Variants in RALY observed in about 807,000 individuals in gnomAD.
RALY encodes the protein RNA-binding protein Raly.
RALY carries 15 observed loss-of-function variants against 30.7 expected under a neutral mutation model. That is an observed-to-expected ratio of 0.49 (90% CI 0.33 to 0.75). The LOEUF (loss-of-function observed/expected upper bound fraction) is 0.75, where lower values mean the gene tolerates loss of function less well. RALY is among the 30% of genes least tolerant of loss of function. The pLI, the probability that RALY is intolerant of heterozygous loss-of-function variation, is 0.02. For synonymous variants in RALY, 177 were observed against 170.8 expected (o/e 1.04, Z -0.28); for missense variants, 339 against 414.3 (o/e 0.82, Z 1.58).
In RALY at chr20:34,047,556, A is replaced by G. The variant is rs537264125; in HGVS notation, c.-10+15952A>G. Reference sequence around the variant, plus strand: ...ATGGGCCATCTCTGCCATTCAAGACATCAGCTCCTGGCAGAGTTGTATTGG... The same window carrying G: ...ATGGGCCATCTCTGCCATTCAAGACGTCAGCTCCTGGCAGAGTTGTATTGG... On this transcript the variant is annotated intron_variant, in intron 2 of 9. Coordinates refer to ENST00000246194, the MANE Select transcript of RALY (RefSeq NM_016732.3). 4.6e-5 allele frequency among the ~76,000 whole-genome samples: 7 copies of G among 152,328 alleles called. No homozygotes were observed. In the South Asian group the frequency reaches 1.2e-3, roughly 27 times the overall value.
chr20:34,010,681 C>A (rs1288408057), intron 1 of RALY, among the ~76,000 whole-genome samples: 1 of 152,106 alleles, frequency 6.6e-6, no homozygotes, highest in Admixed American at 6.5e-5. Flanking sequence ...AGAGAGGAAG[C>A]TAGTAAGTGT....
rs189859600 is a variant in RALY, at chr20:34,021,107, G to A, written c.-92-10415G>A. 3.7e-3 allele frequency among the ~76,000 whole-genome samples: 560 copies of A among 152,146 alleles called. 3 individuals are homozygous for A. Among genetic ancestry groups the A allele is most frequent in the Middle Eastern group, 0.01 (3 of 294 alleles). ...TTCCCAAGTAGCTGGGATTACAGGC[G>A]TGCACCACCACGCCTGGCTAATTTT... On this transcript the variant is annotated intron_variant, in intron 1 of 9. Transcript: ENST00000246194.
In RALY at chr20:34,073,652, G is replaced by A; in HGVS notation, c.329+17G>A. The A allele has an allele frequency of 6.4e-6, 10 of 1,566,498 alleles. No homozygotes were observed. The highest frequency in any genetic ancestry group is 8.8e-6 in the Non-Finnish European group (10 of 1,136,702). On this transcript the variant is annotated intron_variant, in intron 4 of 9. Coordinates refer to ENST00000246194, the MANE Select transcript of RALY (RefSeq NM_016732.3). ...CATATACAGGTGGGGCTGTCTGACT[G>A]TCTGTCTGTCTGGTGGGATGACTCT...
rs6059613 is a variant in RALY at position 33,997,673 on chromosome 20, C to T, written c.-93+3542C>T. Among the ~76,000 whole-genome samples, 1,061 of 152,294 alleles carry T rather than the reference C, an allele frequency of 7.0e-3. 12 individuals carry two copies. Among genetic ancestry groups the T allele is most frequent in the African/African-American group, 0.023 (957 of 41,550 alleles). ...GGTTCTTGGAGGATGTTTATGGATA[C>T]TCACTGCTTGCAGTTGGTTAAGATG... On this transcript the variant is annotated intron_variant, in intron 1 of 9. Transcript: ENST00000246194.
At chr20:34,002,993 C>A (rs1057043132) in intron 1 of RALY, among the ~76,000 whole-genome samples, 4 of 152,074 alleles carry the variant, frequency 2.6e-5, no homozygotes, top group Admixed American at 6.5e-5. Flanking sequence ...TATTGTAGTT[C>A]GTGAAGCCCA....
At chr20:34,055,749 T>A (rs907036509) in intron 2 of RALY, among the ~76,000 whole-genome samples, 2 of 152,234 alleles carry the variant, frequency 1.3e-5, no homozygotes. Flanking sequence ...ATATTGATTG[T>A]TAAAATAATA....
chr20:33,995,126 A>G (rs1418117418), intron 1 of RALY, among the ~76,000 whole-genome samples: 2 of 152,140 alleles, frequency 1.3e-5, no homozygotes, highest in Non-Finnish European at 2.9e-5. Context: ...GTTTTCCCTG[A>G]CTTCTGGGCC....
At chr20:34,009,331 C>T (rs564581384) in intron 1 of RALY, among the ~76,000 whole-genome samples, 11 of 152,134 alleles carry the variant, frequency 7.2e-5, no homozygotes, top group South Asian at 4.1e-4. Flanking sequence ...CTCTGCCTCC[C>T]GGGTTCAAGT....
intron 1 of RALY, among the ~76,000 whole-genome samples, chr20:34,030,388 G>A (rs1334650767): frequency 2.0e-5 from 3 of 152,254 alleles, no homozygotes; most frequent in African/African-American, 7.2e-5. Context: ...TGCCTGGTAT[G>A]TGCTGCTATT....
intron 8 of RALY, chr20:34,077,497 T>G: frequency 1.5e-6 from 1 of 684,098 alleles, no homozygotes; most frequent in Non-Finnish European, 2.4e-6. Context: ...TGGCCTCCGG[T>G]TTCCACATGA....
chr20:34,022,417 A>T (rs1449223964), intron 1 of RALY, among the ~76,000 whole-genome samples: 1 of 152,094 alleles, frequency 6.6e-6, no homozygotes, highest in Non-Finnish European at 1.5e-5. Context: ...GGAGGGGCTT[A>T]TGATACTTTG....
At chr20:34,043,522 C>T (rs1396788608) in intron 2 of RALY, among the ~76,000 whole-genome samples, 2 of 152,192 alleles carry the variant, frequency 1.3e-5, no homozygotes, top group African/African-American at 4.8e-5. Context: ...AGACACAGAT[C>T]TTATTCCTGT....
At chr20:34,059,421 T>C (rs772222554) in intron 2 of RALY, among the ~76,000 whole-genome samples, 8 of 152,202 alleles carry the variant, frequency 5.3e-5, no homozygotes, top group Non-Finnish European at 7.3e-5. Context: ...GCAGCAGCTG[T>C]CCATCCTGGG....
intron 1 of RALY, among the ~76,000 whole-genome samples, chr20:33,995,970 C>T (rs141482297): frequency 1.3e-5 from 2 of 152,198 alleles, no homozygotes; most frequent in Non-Finnish European, 2.9e-5. Context: ...GTCCCCACCC[C>T]TTTCTGTGCC....
chr20:34,019,203 G>A (rs2031722518), intron 1 of RALY, among the ~76,000 whole-genome samples: 1 of 152,138 alleles, frequency 6.6e-6, no homozygotes, highest in African/African-American at 2.4e-5. Context: ...GTGGGCACCT[G>A]TAATCCCGGC....
chr20:34,022,469 T>G (rs1282829749), intron 1 of RALY, among the ~76,000 whole-genome samples: 2 of 152,160 alleles, frequency 1.3e-5, no homozygotes, highest in African/African-American at 4.8e-5. Context: ...TTGACACTTG[T>G]TCTGGCCAGT....
At chr20:34,025,924 G>A (rs867168955) in intron 1 of RALY, among the ~76,000 whole-genome samples, 6 of 74,964 alleles carry the variant, frequency 8.0e-5, no homozygotes, top group Admixed American at 1.5e-4. Flanking sequence ...TTTTTTTTGT[G>A]GGGGGTGGGG....
chr20:33,996,226 A>C (rs993293333), intron 1 of RALY, among the ~76,000 whole-genome samples: 5 of 152,206 alleles, frequency 3.3e-5, no homozygotes, highest in African/African-American at 1.2e-4. Context: ...AGTGAGGACA[A>C]GACACCTCTC....
chr20:34,049,475 G>A (rs1334597211), intron 2 of RALY, among the ~76,000 whole-genome samples: 1 of 152,088 alleles, frequency 6.6e-6, no homozygotes, highest in Non-Finnish European at 1.5e-5. Flanking sequence ...AAGAACCCCT[G>A]TAGTAAAGGA....
Sources: gnomAD v4.1 joint callset for allele counts (sites outside exome capture counted in the v4.1 genomes callset) on GRCh38, gnomAD v4.1.1 for gene constraint, MANE v1.5 for transcripts, NCBI Gene and HGNC (gene_info 2026-07-23, HGNC 2026-07-21) for gene names.